The following AGBL4 variants were observed in gnomAD, a reference collection of about 807,000 sequenced individuals.
AGBL4 encodes the protein AGBL carboxypeptidase 4, also known as cytosolic carboxypeptidase 6.
Under a neutral mutation model 66.4 loss-of-function variants are expected in AGBL4, and 58 were observed. The ratio of observed to expected loss-of-function variants is 0.87; its 90% CI spans 0.71 to 1.09. AGBL4 has a LOEUF of 1.09. Among genes scored for constraint, AGBL4 ranks in the 50% least tolerant of loss-of-function variants. The pLI is 0.00. For missense variants in AGBL4, 579 were observed against 631.0 expected (o/e 0.92, Z 0.88); for synonymous variants, 234 against 222.9 (o/e 1.05, Z -0.44).
chr1:49,168,899 G>A (rs748000291), intron 4 of AGBL4, among the ~76,000 whole-genome samples: 5 of 152,160 alleles, frequency 3.3e-5, no homozygotes, highest in South Asian at 2.1e-4. Flanking sequence ...GTCAGCAGCC[G>A]CTGGGGACCA....
intron 2 of AGBL4, among the ~76,000 whole-genome samples, chr1:49,699,978 T>G (rs1647056671): frequency 6.6e-6 from 1 of 151,872 alleles, no homozygotes; most frequent in African/African-American, 2.4e-5. Flanking sequence ...AGTCATTGCA[T>G]TATGTATATC....
chr1:49,195,197 T>C lies in AGBL4; in HGVS notation c.377+50573A>G, dbSNP rs151136554. Among the ~76,000 whole-genome samples the C allele has an allele frequency of 2.4e-4, 37 of 152,292 alleles. 1 individual carries two copies. Among genetic ancestry groups the C allele is most frequent in the African/African-American group, 8.7e-4 (36 of 41,556 alleles). ...TGGTTTTGCGGAGTTCTGTTATGTT[T>C]CCATTTGATTATTTTCTCTTCCTCT... On this transcript the variant is annotated intron_variant, in intron 4 of 13. Transcript: ENST00000371839.
At chr1:48,899,701 G>A (rs778927593) in intron 5 of AGBL4, among the ~76,000 whole-genome samples, 1 of 152,048 alleles carries the variant, frequency 6.6e-6, no homozygotes, top group African/African-American at 2.4e-5. Flanking sequence ...ACAAAATGAC[G>A]AGCATTCCAA....
intron 5 of AGBL4, among the ~76,000 whole-genome samples, chr1:49,017,714 C>T (rs1662923238): frequency 6.6e-6 from 1 of 152,136 alleles, no homozygotes; most frequent in African/African-American, 2.4e-5. Flanking sequence ...CTGACTGGCA[C>T]ATGATAGGTG....
rs546619333 is a variant in AGBL4 at position 49,098,711 on chromosome 1, G to A, written c.378-52911C>T. Among the ~76,000 whole-genome samples the A allele has an allele frequency of 3.6e-4, 55 of 152,280 alleles. 1 individual carries two copies. Among genetic ancestry groups the A allele is most frequent in the African/African-American group, 1.3e-3 (54 of 41,552 alleles). On this transcript the variant is annotated intron_variant, in intron 4 of 13. Transcript: ENST00000371839. ...TCAGAGAGTTTAAAGGGGCACCACT[G>A]GACTAGAAAATCTGGACTATTAAGA...
chr1:49,776,016 G>T (rs1644187014), intron 2 of AGBL4, among the ~76,000 whole-genome samples: 1 of 152,020 alleles, frequency 6.6e-6, no homozygotes. Context: ...AACAAGATAA[G>T]GTCCATTCTC....
chr1:49,409,150 C>A (rs562195591), intron 3 of AGBL4, among the ~76,000 whole-genome samples: 2 of 24,998 alleles, frequency 8.0e-5, no homozygotes, highest in Admixed American at 9.7e-4. Flanking sequence ...CTCTCTCTGG[C>A]TCTCTCTCTC....
At chr1:49,689,096 T>C (rs1646839070) in intron 3 of AGBL4, among the ~76,000 whole-genome samples, 1 of 152,188 alleles carries the variant, frequency 6.6e-6, no homozygotes. Context: ...ATTTGTCCAT[T>C]TTTGCTTTGG....
intron 6 of AGBL4, among the ~76,000 whole-genome samples, chr1:48,857,365 C>G (rs924980000): frequency 6.6e-6 from 1 of 152,206 alleles, no homozygotes; most frequent in African/African-American, 2.4e-5. Flanking sequence ...AATATAAACA[C>G]ATTAACTCAA....
intron 3 of AGBL4, among the ~76,000 whole-genome samples, chr1:49,659,915 C>T (rs143093045): frequency 1.3e-5 from 2 of 152,078 alleles, no homozygotes; most frequent in East Asian, 3.9e-4. Context: ...GAAACAGCAC[C>T]AGTACCTTTA....
At chr1:49,787,228 C>T (rs181740599) in intron 2 of AGBL4, among the ~76,000 whole-genome samples, 236 of 152,272 alleles carry the variant, frequency 1.5e-3, no homozygotes, top group African/African-American at 5.4e-3. Context: ...ATTGGCCGGG[C>T]GCAGTGGCTC....
At chr1:48,597,880 A>T (rs1019000827) in intron 9 of AGBL4, among the ~76,000 whole-genome samples, 3 of 150,554 alleles carry the variant, frequency 2.0e-5, no homozygotes, top group Non-Finnish European at 3.0e-5. Context: ...GAAAGAAAGA[A>T]AAAAAGAAAG....
chr1:49,157,835 G>T (rs568439157), intron 4 of AGBL4, among the ~76,000 whole-genome samples: 1 of 152,178 alleles, frequency 6.6e-6, no homozygotes, highest in Non-Finnish European at 1.5e-5. Context: ...GACCAGTGAT[G>T]ATGAGCTTTT....
Position 49,247,929 on chromosome 1 carries a change from T to C in AGBL4, c.283-2065A>G, listed in dbSNP as rs373406242. ...CCTCCAAAAATCCCCAAACTATTGG[T>C]AGAGCTAGGACTTAAATCTTAGGTG... On this transcript the variant is annotated intron_variant, in intron 3 of 13. Transcript: ENST00000371839. Among the ~76,000 whole-genome samples the C allele has an allele frequency of 1.1e-4, 16 of 152,304 alleles. No individual in the cohort carries two copies. The South Asian group carries it at 2.9e-3, about 28-fold the overall frequency.
chr1:49,345,627 T>G (rs965410322), intron 3 of AGBL4, among the ~76,000 whole-genome samples: 3 of 152,176 alleles, frequency 2.0e-5, no homozygotes, highest in Admixed American at 2.0e-4. Context: ...AAATTGTTGG[T>G]GATACTTTCT....
chr1:49,141,438 G>C (rs950435101), intron 4 of AGBL4, among the ~76,000 whole-genome samples: 1 of 152,098 alleles, frequency 6.6e-6, no homozygotes, highest in Non-Finnish European at 1.5e-5. Flanking sequence ...GAGAATCTGA[G>C]TATGCTCTGG....
intron 1 of AGBL4, among the ~76,000 whole-genome samples, chr1:49,852,425 T>A (rs541056071): frequency 1.8e-4 from 27 of 152,246 alleles, no homozygotes; most frequent in African/African-American, 5.3e-4. Flanking sequence ...GGAATTCACG[T>A]CCATTTGAAG....
intron 3 of AGBL4, among the ~76,000 whole-genome samples, chr1:49,399,316 T>A (rs192235870): frequency 6.6e-6 from 1 of 152,296 alleles, no homozygotes; most frequent in African/African-American, 2.4e-5. Flanking sequence ...GGGAGGCAGA[T>A]ACCTCTTCGA....
chr1:49,043,199 A>G (rs927522411), intron 5 of AGBL4, among the ~76,000 whole-genome samples: 6 of 152,146 alleles, frequency 3.9e-5, no homozygotes, highest in African/African-American at 1.4e-4. Flanking sequence ...GTTCCTCTGC[A>G]TCCACTCTCC....
Sources: allele counts gnomAD v4.1 joint callset (sites outside exome capture counted in the v4.1 genomes callset), GRCh38; gene constraint gnomAD v4.1.1; transcripts MANE v1.5; gene names NCBI Gene and HGNC (gene_info 2026-07-23, HGNC 2026-07-21).